The following ZNF578 variants were observed in gnomAD, a reference collection of about 807,000 sequenced individuals.
The protein encoded by ZNF578 is Putative chemokine-related protein B42.
A neutral mutation model predicts 8.3 loss-of-function variants in ZNF578; 8 were observed. The ratio of observed to expected loss-of-function variants is 0.96; its 90% CI spans 0.56 to 1.74. ZNF578 has a LOEUF of 1.74. Among genes scored for constraint, ZNF578 ranks in the 40% most tolerant of loss-of-function variants. The pLI is 0.00. For synonymous variants in ZNF578, 206 were observed against 232.2 expected (o/e 0.89, Z 1.03); for missense variants, 726 against 707.5 (o/e 1.03, Z -0.30).
rs1555751349 is a variant in ZNF578 at position 52,459,769 on chromosome 19, A to ATATAT, written c.-122+2812_-122+2813insATATT. On this transcript the variant is annotated intron_variant, in intron 2 of 5. Coordinates refer to ENST00000421239, the MANE Select transcript of ZNF578 (RefSeq NM_001099694.2). ...TGTGTGTGTATATATATATATATAT[A>ATATAT]TTTTTTTTTTTTTTTTTTTTTTTTG... 1.8e-3 allele frequency among the ~76,000 whole-genome samples: 32 copies of ATATAT among 17,620 alleles called. 2 individuals carry two copies. Among genetic ancestry groups the ATATAT allele is most frequent in the South Asian group, 0.012 (2 of 164 alleles). The allele number at this position is 17,620 out of a possible 152,430, so 11.6% of individuals were successfully genotyped here.
intron 2 of ZNF578, chr19:52,473,927 C>T (rs2059300005): frequency 3.1e-6 from 1 of 326,886 alleles, no homozygotes; most frequent in Non-Finnish European, 6.1e-6. Flanking sequence ...ATGAATTATC[C>T]AGTGTTCTGT....
intron 5 of ZNF578, among the ~76,000 whole-genome samples, chr19:52,510,312 C>G (rs2059439985): frequency 6.6e-6 from 1 of 152,030 alleles, no homozygotes; most frequent in Non-Finnish European, 1.5e-5. Context: ...AAAAATACTC[C>G]TTACTTTAGG....
chr19:52,501,790 T>G, intron 3 of ZNF578, 37 bp from the exon 4 acceptor site: 1 of 1,605,006 alleles, frequency 6.2e-7, no homozygotes, highest in Non-Finnish European at 8.5e-7. Context: ...GAGTGAGTCA[T>G]ATCTAACCTG....
At chr19:52,490,929 T>C (rs1187240559) in intron 2 of ZNF578, among the ~76,000 whole-genome samples, 1 of 152,236 alleles carries the variant, frequency 6.6e-6, no homozygotes, top group Non-Finnish European at 1.5e-5. Flanking sequence ...TATTGTATGG[T>C]CTTTTAGCAT....
rs564269898 is a variant in ZNF578 at position 52,486,452 on chromosome 19, G to GA, written c.-121-4867dup. 1.1e-3 allele frequency among the ~76,000 whole-genome samples: 162 copies of GA among 152,178 alleles called. 2 individuals are homozygous for GA. In the East Asian group the frequency reaches 0.014, roughly 13 times the overall value. On this transcript the variant is annotated intron_variant, in intron 2 of 5. Transcript: ENST00000421239. ...TCTTTTGTCAAGAGATGGCAAAAGT[G>GA]AAAAACAAAACACAGAAAAAAGTAA...
intron 2 of ZNF578, among the ~76,000 whole-genome samples, chr19:52,482,363 C>G (rs529899442): frequency 6.6e-6 from 1 of 151,462 alleles, no homozygotes; most frequent in African/African-American, 2.4e-5. Context: ...GACATCAGGA[C>G]GCGGTGGCTC....
At chr19:52,461,749 A>G (rs1021495467) in intron 2 of ZNF578, among the ~76,000 whole-genome samples, 4 of 152,230 alleles carry the variant, frequency 2.6e-5, no homozygotes, top group South Asian at 2.1e-4. Flanking sequence ...AAGAAAACTG[A>G]TACACAAATT....
At chr19:52,500,505 CAA>C (rs1289972586) in intron 3 of ZNF578, among the ~76,000 whole-genome samples, 5 of 150,410 alleles carry the variant, frequency 3.3e-5, no homozygotes, top group Admixed American at 6.7e-5. Context: ...CTCCTGGGTT[CAA>C]GTGATTCTCC....
At chr19:52,453,868 C>A (rs1417112973) in intron 1 of ZNF578, 2 of 152,196 alleles carry the variant, frequency 1.3e-5, no homozygotes, top group Non-Finnish European at 2.9e-5. Flanking sequence ...TTCGGTCCCG[C>A]GTCATGTAAA....
At chr19:52,461,806 C>T (rs890972701) in intron 2 of ZNF578, among the ~76,000 whole-genome samples, 3 of 152,066 alleles carry the variant, frequency 2.0e-5, no homozygotes, top group African/African-American at 4.8e-5. Context: ...CTTCCAAACT[C>T]GAATATGAGA....
chr19:52,467,440 T>C (rs560729178), intron 2 of ZNF578, among the ~76,000 whole-genome samples: 1 of 151,578 alleles, frequency 6.6e-6, no homozygotes, highest in Non-Finnish European at 1.5e-5. Flanking sequence ...TCAAAAAAAA[T>C]AAAATAAAAT....
intron 3 of ZNF578, among the ~76,000 whole-genome samples, chr19:52,497,185 C>T (rs1246863525): frequency 2.6e-5 from 4 of 151,998 alleles, no homozygotes; most frequent in East Asian, 1.9e-4. Context: ...CTGCAACCTC[C>T]GCCTCCCAGG....
chr19:52,460,613 C>T (rs962488021), intron 2 of ZNF578, among the ~76,000 whole-genome samples: 16 of 152,118 alleles, frequency 1.1e-4, no homozygotes, highest in African/African-American at 3.9e-4. Flanking sequence ...TTCTTTTGAT[C>T]GATTCCTTTG....
intron 2 of ZNF578, among the ~76,000 whole-genome samples, chr19:52,461,828 T>G (rs1293862997): frequency 6.6e-6 from 1 of 152,208 alleles, no homozygotes; most frequent in Non-Finnish European, 1.5e-5. Flanking sequence ...TGGGCCATCA[T>G]TAACTTCCAT....
rs774372101 is a variant in ZNF578 at position 52,510,994 on chromosome 19, C to T, written c.613C>T (p.Pro205Ser). Residue 205 changes from proline to serine, a missense_variant, in exon 6 of 6, where the codon CCT (proline) becomes TCT (serine). Transcript: ENST00000421239. ...RISCRPETHTPNNYGNNFFHS... is the reference protein window; with the variant it reads ...RISCRPETHTSNNYGNNFFHS... ...TTCTTGTAGGCCTGAAACACATACT[C>T]CTAATAACTATGGGAATAATTTTTT... is the stretch of plus-strand genomic sequence containing the variant. 2.5e-6 allele frequency: 4 copies of T among 1,614,142 alleles called. No individual in the cohort carries two copies. The highest frequency in any genetic ancestry group is 2.2e-5 in the East Asian group (1 of 44,870).
intron 2 of ZNF578, among the ~76,000 whole-genome samples, chr19:52,462,316 G>T (rs79784184): frequency 6.6e-6 from 1 of 152,116 alleles, no homozygotes; most frequent in Non-Finnish European, 1.5e-5. Context: ...ACCGATAGCT[G>T]GCCCTATGTA....
intron 2 of ZNF578, among the ~76,000 whole-genome samples, chr19:52,482,497 G>A (rs1052593167): frequency 6.6e-6 from 1 of 152,150 alleles, no homozygotes; most frequent in Non-Finnish European, 1.5e-5. Context: ...ACTTAGCCGG[G>A]CGTGGTGGCA....
chr19:52,478,753 T>G (rs1432794728), intron 2 of ZNF578, among the ~76,000 whole-genome samples: 4 of 151,946 alleles, frequency 2.6e-5, no homozygotes, highest in African/African-American at 7.2e-5. Flanking sequence ...TTGCTCTGTC[T>G]CCCAGGCTGG....
chr19:52,512,325 T>C lies in ZNF578; in HGVS notation c.*171T>C, dbSNP rs1048032136. On this transcript the variant is annotated 3_prime_UTR_variant, in exon 6 of 6. Coordinates refer to ENST00000421239, the MANE Select transcript of ZNF578 (RefSeq NM_001099694.2). The stretch of plus-strand genomic sequence containing the variant: ...TCAACACTTACCATCAGGCCATTCA[T>C]GGTGTAGGGAAACTTGACTAATGTA... The C allele has an allele frequency of 9.7e-6, 15 of 1,538,774 alleles. No individual in the cohort carries two copies. Among genetic ancestry groups the C allele is most frequent in the Middle Eastern group, 1.7e-4 (1 of 5,940 alleles).
Sources: gnomAD v4.1 joint callset for allele counts (sites outside exome capture counted in the v4.1 genomes callset) on GRCh38, gnomAD v4.1.1 for gene constraint, MANE v1.5 for transcripts, NCBI Gene and HGNC (gene_info 2026-07-23, HGNC 2026-07-21) for gene names.